Variants in FBXO42 observed in about 807,000 individuals in gnomAD.
FBXO42 encodes F-box only protein 42.
FBXO42 carries 12 observed loss-of-function variants against 71.7 expected under a neutral mutation model. The ratio of observed to expected loss-of-function variants is 0.17; its 90% CI spans 0.11 to 0.27. The LOEUF is 0.27. FBXO42 is among the 10% of genes least tolerant of loss of function. The pLI is 1.00. For synonymous variants in FBXO42, 325 were observed against 327.5 expected (o/e 0.99, Z 0.08); for missense variants, 707 against 911.9 (o/e 0.78, Z 2.89).
intron 3 of FBXO42, among the ~76,000 whole-genome samples, chr1:16,299,662 T>A (rs1428931221): frequency 1.3e-5 from 2 of 152,142 alleles, no homozygotes; most frequent in East Asian, 3.9e-4. Flanking sequence ...ATTATTTTTT[T>A]GAGATGGAGT....
intron 4 of FBXO42, among the ~76,000 whole-genome samples, chr1:16,262,589 C>A (rs1050217045): frequency 6.6e-6 from 1 of 152,062 alleles, no homozygotes; most frequent in Admixed American, 6.6e-5. Flanking sequence ...TGCCTGTGGT[C>A]CCAGGTTCAA....
At chr1:16,301,676 A>AAAC (rs1280586468) in intron 3 of FBXO42, among the ~76,000 whole-genome samples, 13 of 139,194 alleles carry the variant, frequency 9.3e-5, no homozygotes, top group African/African-American at 3.4e-4. Flanking sequence ...ATCTCAAAAA[A>AAAC]AAAAAAACAA....
At chr1:16,260,400 G>C (rs892106956) in intron 4 of FBXO42, among the ~76,000 whole-genome samples, 1 of 151,868 alleles carries the variant, frequency 6.6e-6, no homozygotes, top group Non-Finnish European at 1.5e-5. Context: ...GTAGAGACGG[G>C]GTTTCACCAT....
chr1:16,318,853 G>A (rs2082391732), intron 1 of FBXO42, among the ~76,000 whole-genome samples: 1 of 152,086 alleles, frequency 6.6e-6, no homozygotes, highest in Non-Finnish European at 1.5e-5. Flanking sequence ...ATCTAGTACT[G>A]GGCAGAAAGG....
At chr1:16,340,038 G>A (rs181378440) in intron 1 of FBXO42, among the ~76,000 whole-genome samples, 14 of 152,170 alleles carry the variant, frequency 9.2e-5, no homozygotes, top group Admixed American at 8.5e-4. Context: ...TTAGCCAGGC[G>A]TGGTGGCAGG....
At chr1:16,284,757 C>A (rs1001189462) in intron 4 of FBXO42, among the ~76,000 whole-genome samples, 2 of 152,108 alleles carry the variant, frequency 1.3e-5, no homozygotes, top group Admixed American at 1.3e-4. Context: ...CATCTGAGGT[C>A]GGGAGTTTGA....
chr1:16,309,403 T>C (rs1309744531), intron 2 of FBXO42, among the ~76,000 whole-genome samples: 2 of 151,788 alleles, frequency 1.3e-5, no homozygotes, highest in Non-Finnish European at 2.9e-5. Flanking sequence ...GAAAAAAACC[T>C]TTTCCAAAAA....
intron 4 of FBXO42, among the ~76,000 whole-genome samples, chr1:16,272,461 G>A (rs1453717903): frequency 6.6e-6 from 1 of 152,084 alleles, no homozygotes; most frequent in African/African-American, 2.4e-5. Context: ...GTTTCACCAT[G>A]TTAGTCAGGC....
chr1:16,316,166 T>C (rs1226960725), intron 1 of FBXO42, among the ~76,000 whole-genome samples: 2 of 37,570 alleles, frequency 5.3e-5, no homozygotes, highest in Non-Finnish European at 1.6e-4. Context: ...CAAACCTCCA[T>C]CTCAAAAAAA....
At chr1:16,325,727 G>A (rs1488488069) in intron 1 of FBXO42, among the ~76,000 whole-genome samples, 1 of 152,124 alleles carries the variant, frequency 6.6e-6, no homozygotes, top group East Asian at 1.9e-4. Flanking sequence ...ACTCACTCGA[G>A]CGATTCTCCT....
At chr1:16,316,730 C>CAAAAAA (rs71003274) in intron 1 of FBXO42, among the ~76,000 whole-genome samples, 6 of 51,576 alleles carry the variant, frequency 1.2e-4, no homozygotes, top group East Asian at 7.7e-4. Context: ...GAAAGACTCT[C>CAAAAAA]AAAAAAAAAA....
chr1:16,250,140 G>A lies in FBXO42; in HGVS notation c.*530C>T, dbSNP rs2100419826. The A allele has an allele frequency of 6.6e-6, 1 of 152,352 alleles. No individual in the cohort carries two copies. Among genetic ancestry groups the A allele is most frequent in the South Asian group, 2.1e-4 (1 of 4,828 alleles). The allele number at this position is 152,352 out of a possible 1,614,324, so 9.4% of individuals were successfully genotyped here. ...GGGGCCAGGCACTGGCATTTCTGCA[G>A]AGCTGTCACAGGTCCTCTGTGGTTT... On this transcript the variant is annotated 3_prime_UTR_variant, in exon 10 of 10. Transcript: ENST00000375592. The surrounding 1 kb of genome is among the most constrained non-coding windows in gnomAD (Gnocchi z 4.7).
intron 4 of FBXO42, among the ~76,000 whole-genome samples, chr1:16,263,982 T>C (rs947091512): frequency 1.3e-5 from 2 of 151,932 alleles, no homozygotes; most frequent in African/African-American, 4.8e-5. Flanking sequence ...GGCTAATTTT[T>C]GTATTATTAG....
chr1:16,319,111 A>G (rs2082393040), intron 1 of FBXO42, among the ~76,000 whole-genome samples: 1 of 152,214 alleles, frequency 6.6e-6, no homozygotes, highest in Non-Finnish European at 1.5e-5. Context: ...GAAAGGAAGA[A>G]TAAGAAGGGT....
Position 16,251,272 on chromosome 1 carries a change from T to C in FBXO42, c.1552A>G (p.Met518Val), listed in dbSNP as rs773227213. The C allele has an allele frequency of 3.1e-6, 5 of 1,614,102 alleles. No homozygotes were observed. The highest frequency in any genetic ancestry group is 4.2e-6 in the Non-Finnish European group (5 of 1,180,038). Residue 518 changes from methionine to valine, a missense_variant, in exon 10 of 10, where the codon ATG becomes GTG. Around this residue, in one of 5 missense-constraint regions of FBXO42, gnomAD observed 482 missense variants for 587.1 expected, o/e 0.82. Transcript: ENST00000375592. The surrounding 1 kb of genome is among the most constrained non-coding windows in gnomAD (Gnocchi z 4.5). ...CTTCCCCCAACTGTCCTATTGTCCA[T>C]GCCATCCATGGGATTACTACTGGAA... ...PASSSNPMDGMDNRTVGGSMR... is the reference protein window; with the variant it reads ...PASSSNPMDGVDNRTVGGSMR...
intron 2 of FBXO42, among the ~76,000 whole-genome samples, chr1:16,308,679 G>T (rs1363496812): frequency 2.1e-5 from 3 of 145,404 alleles, no homozygotes; most frequent in Non-Finnish European, 4.5e-5. Flanking sequence ...CTGTTTTTTT[G>T]TTTGTTTGTT....
intron 1 of FBXO42, among the ~76,000 whole-genome samples, chr1:16,340,610 C>T (rs1447765639): frequency 1.3e-5 from 2 of 152,130 alleles, no homozygotes; most frequent in African/African-American, 2.4e-5. Context: ...TGAGCCACTG[C>T]GCCCGGCCAA....
Position 16,322,260 on chromosome 1 carries a change from A to T in FBXO42, c.-17-6825T>A, listed in dbSNP as rs557929056. Among the ~76,000 whole-genome samples, 5 of 151,974 alleles carry T rather than the reference A, an allele frequency of 3.3e-5. 1 individual carries two copies. The South Asian group carries it at 1.0e-3, about 32-fold the overall frequency. On this transcript the variant is annotated intron_variant, in intron 1 of 9. Coordinates refer to ENST00000375592, the MANE Select transcript of FBXO42 (RefSeq NM_018994.3). ...AGAGAGGAAACTATTTATTTGGCCC[A>T]GTAGTATCTTTTTCTTCCGAAAAAC...
intron 1 of FBXO42, among the ~76,000 whole-genome samples, chr1:16,349,022 A>T (rs1392834649): frequency 6.6e-6 from 1 of 152,198 alleles, no homozygotes; most frequent in East Asian, 1.9e-4. Context: ...GCCTGTGTAT[A>T]TGACTCATAT....
Sources: allele counts gnomAD v4.1 joint callset (sites outside exome capture counted in the v4.1 genomes callset), GRCh38; gene constraint gnomAD v4.1.1; regional missense constraint gnomAD v4.1.1; non-coding constraint Gnocchi (gnomAD v3.1); transcripts MANE v1.5; gene names NCBI Gene and HGNC (gene_info 2026-07-23, HGNC 2026-07-21).